CYP2C19: variants seen among roughly 807,000 people sequenced by gnomAD.
CYP2C19 encodes cytochrome P450 2C19.
Under a neutral mutation model 40.9 loss-of-function variants are expected in CYP2C19, and 59 were observed. That is an observed-to-expected ratio of 1.44 (90% CI 1.17 to 1.79). The LOEUF (loss-of-function observed/expected upper bound fraction) is 1.79. CYP2C19 is among the 40% of genes most tolerant of loss of function. The pLI, the probability that CYP2C19 is intolerant of heterozygous loss-of-function variation, is 0.00. For missense variants in CYP2C19, 754 were observed against 596.9 expected (o/e 1.26, Z -2.74); for synonymous variants, 253 against 208.7 (o/e 1.21, Z -1.83).
Position 94,781,820 on chromosome 10 carries a change from G to A in CYP2C19, c.643-1G>A, listed in dbSNP as rs752498998. 7.1e-7 allele frequency: 1 copy of A among 1,400,226 alleles called. No individual in the cohort carries two copies. Among genetic ancestry groups the A allele is most frequent in the Non-Finnish European group, 9.4e-7 (1 of 1,061,080 alleles). The allele number at this position is 1,400,226 out of a possible 1,614,324, so 86.7% of individuals were successfully genotyped here. On this transcript the variant is annotated splice_acceptor_variant, in intron 4 of 8. Coordinates refer to ENST00000371321, the MANE Select transcript of CYP2C19 (RefSeq NM_000769.4). LOFTEE classifies it high-confidence loss of function. ...TTTAATAAATTATTGTTTTCTCTTAGATATGCAATAATTTTCCCACTATCA... is the reference window on the plus strand; with the variant it reads ...TTTAATAAATTATTGTTTTCTCTTAAATATGCAATAATTTTCCCACTATCA...
At chr10:94,789,737 A>T (rs977553806) in intron 5 of CYP2C19, among the ~76,000 whole-genome samples, 1 of 151,840 alleles carries the variant, frequency 6.6e-6, no homozygotes, top group African/African-American at 2.4e-5. Context: ...TGCTGTTTTT[A>T]TTACTTCGGC....
intron 5 of CYP2C19, among the ~76,000 whole-genome samples, chr10:94,810,834 A>G (rs574260158): frequency 4.6e-5 from 7 of 151,720 alleles, no homozygotes; most frequent in Non-Finnish European, 7.4e-5. Context: ...CAGAAAATTA[A>G]CTCCTGTATT....
chr10:94,823,350 G>T (rs1447790853), intron 6 of CYP2C19, among the ~76,000 whole-genome samples: 3 of 152,112 alleles, frequency 2.0e-5, no homozygotes, highest in Non-Finnish European at 2.9e-5. Flanking sequence ...AGGGACAAAG[G>T]GCAGTGCCAG....
At chr10:94,828,622 G>A (rs962994972) in intron 6 of CYP2C19, among the ~76,000 whole-genome samples, 3 of 149,058 alleles carry the variant, frequency 2.0e-5, no homozygotes, top group East Asian at 2.0e-4. Context: ...TATCCAATTT[G>A]CAAGTCTGTG....
chr10:94,784,171 G>A (rs1848512408), intron 5 of CYP2C19, among the ~76,000 whole-genome samples: 1 of 152,010 alleles, frequency 6.6e-6, no homozygotes, highest in Admixed American at 6.6e-5. Flanking sequence ...TTTTATTTCT[G>A]GGTCCTTACA....
Position 94,852,950 on chromosome 10 carries a change from C to A in CYP2C19, c.*36C>A. ...ATGGTCTGGCTGCTCCTGTGCTGTC[C>A]CTGCAGCTCTCTTTCCTCTGGTCCA... On this transcript the variant is annotated 3_prime_UTR_variant, in exon 9 of 9. Coordinates refer to ENST00000371321, the MANE Select transcript of CYP2C19 (RefSeq NM_000769.4). The A allele has an allele frequency of 6.2e-7, 1 of 1,605,134 alleles. No individual in the cohort carries two copies. Among genetic ancestry groups the A allele is most frequent in the Middle Eastern group, 1.7e-4 (1 of 6,014 alleles).
intron 6 of CYP2C19, among the ~76,000 whole-genome samples, chr10:94,830,759 T>C (rs1040144312): frequency 1.3e-5 from 2 of 152,224 alleles, no homozygotes; most frequent in African/African-American, 4.8e-5. Flanking sequence ...TTTCCTTTTT[T>C]ATTTTTTATA....
intron 5 of CYP2C19, among the ~76,000 whole-genome samples, chr10:94,800,254 T>C (rs1038967281): frequency 6.6e-6 from 1 of 152,250 alleles, no homozygotes; most frequent in Non-Finnish European, 1.5e-5. Flanking sequence ...CTTCTAACCA[T>C]CATGTCCCTC....
chr10:94,848,756 G>T (rs1849609344), intron 7 of CYP2C19, among the ~76,000 whole-genome samples: 2 of 152,146 alleles, frequency 1.3e-5, no homozygotes, highest in African/African-American at 4.8e-5. Context: ...ATTTCATTGA[G>T]CAGTGGTTTG....
In CYP2C19 at chr10:94,808,786, A is replaced by G. The variant is rs145938271; in HGVS notation, c.820-11710A>G. Among the ~76,000 whole-genome samples the G allele has an allele frequency of 1.6e-3, 240 of 152,232 alleles. 1 individual carries two copies. Among genetic ancestry groups the G allele is most frequent in the Non-Finnish European group, 2.8e-3 (187 of 67,988 alleles). On this transcript the variant is annotated intron_variant, in intron 5 of 8. Coordinates refer to ENST00000371321, the MANE Select transcript of CYP2C19 (RefSeq NM_000769.4). ...GAATCTCATTTTTTTAAATGGCTGT[A>G]TAGTACTCCGTTGTGTATATGTACC...
rs1408512455 is a variant in CYP2C19 at position 94,762,808 on chromosome 10, C to A, written c.103C>A (p.Pro35Thr). 6.2e-6 allele frequency: 10 copies of A among 1,613,682 alleles called. No homozygotes were observed. Among genetic ancestry groups the A allele is most frequent in the Non-Finnish European group, 8.5e-6 (10 of 1,179,796 alleles). The part of the protein sequence containing the change: ...GRGKLPPGPT[P>T]LPVIGNILQI... The stretch of plus-strand genomic sequence containing the variant: ...AGGAAAACTCCCTCCTGGCCCCACT[C>A]CTCTCCCAGTGATTGGAAATATCCT... Residue 35 changes from proline (P) to threonine (T), a missense_variant, in exon 1 of 9, where the codon CCT becomes ACT. Transcript: ENST00000371321.
At chr10:94,834,434 A>G (rs1849371321) in intron 6 of CYP2C19, among the ~76,000 whole-genome samples, 1 of 151,754 alleles carries the variant, frequency 6.6e-6, no homozygotes, top group African/African-American at 2.4e-5. Flanking sequence ...TTAATTTCTC[A>G]AAGAAACAAC....
intron 3 of CYP2C19, chr10:94,776,427 C>G (rs1434297137): frequency 6.6e-6 from 1 of 152,068 alleles, no homozygotes; most frequent in Non-Finnish European, 1.5e-5. Context: ...TACAATGAAT[C>G]AGTTTATCAG....
chr10:94,776,886 G>A (rs542347318), intron 3 of CYP2C19, among the ~76,000 whole-genome samples: 7 of 152,190 alleles, frequency 4.6e-5, no homozygotes, highest in African/African-American at 1.7e-4. Context: ...TGACATGATT[G>A]TATATTTAGA....
intron 5 of CYP2C19, among the ~76,000 whole-genome samples, chr10:94,801,565 T>C (rs989915243): frequency 1.3e-5 from 2 of 152,164 alleles, no homozygotes; most frequent in Non-Finnish European, 2.9e-5. Context: ...GAATGTATAT[T>C]CTGTTGATTT....
Sources: gnomAD v4.1 joint callset for allele counts (sites outside exome capture counted in the v4.1 genomes callset) on GRCh38, gnomAD v4.1.1 for gene constraint, MANE v1.5 for transcripts, NCBI Gene and HGNC (gene_info 2026-07-23, HGNC 2026-07-21) for gene names.